Variants in GRID2 observed in about 807,000 individuals in gnomAD.
GRID2 encodes the protein glutamate receptor ionotropic, delta-2.
Under a neutral mutation model 114.8 loss-of-function variants are expected in GRID2, and 33 were observed. That is an observed-to-expected ratio of 0.29 (90% confidence interval 0.22 to 0.38). The LOEUF is 0.38. Ranked by LOEUF, GRID2 falls within the 10% of genes least tolerant of loss-of-function variation. GRID2 has a pLI of 1.00. For synonymous variants in GRID2, 505 were observed against 449.9 expected, an observed-to-expected ratio of 1.12 and a Z score of -1.55; for missense variants, 1,184 against 1,257.7, an observed-to-expected ratio of 0.94 and a Z score of 0.89.
chr4:93,191,546 A>C (rs1242271341), intron 4 of GRID2, among the ~76,000 whole-genome samples: 1 of 152,136 alleles, frequency 6.6e-6, no homozygotes, highest in Non-Finnish European at 1.5e-5. Context: ...ATTTTATACA[A>C]ATTATAAATT....
intron 2 of GRID2, among the ~76,000 whole-genome samples, chr4:92,806,002 T>A (rs1740392200): frequency 6.6e-6 from 1 of 151,930 alleles, no homozygotes. Flanking sequence ...TTTTCTCTCA[T>A]CATTATGTTC....
intron 8 of GRID2, chr4:93,319,461 C>T (rs1478857166): frequency 6.6e-6 from 1 of 151,972 alleles, no homozygotes; most frequent in Non-Finnish European, 1.5e-5. Context: ...TCTAAGATGA[C>T]CTCCATGACA....
intron 1 of GRID2, among the ~76,000 whole-genome samples, chr4:92,441,454 A>C (rs62312201): frequency 0.32 from 48,403 of 150,798 alleles, 8,010 homozygotes; most frequent in African/African-American, 0.4. Flanking sequence ...TGTTTGAGAT[A>C]TAGAACAGAA....
Position 93,316,343 on chromosome 4 carries a change from G to GAAAGAAAGAAAGAAA in GRID2, c.1245+77853_1245+77854insAAAGAAAGAAAGAAA, listed in dbSNP as rs1560491069. 2.9e-3 allele frequency among the ~76,000 whole-genome samples: 158 copies of GAAAGAAAGAAAGAAA among 55,080 alleles called. 1 individual carries two copies. The highest frequency in any genetic ancestry group is 4.2e-3 in the Non-Finnish European group (102 of 24,222). 36.1% of individuals were successfully genotyped at this position (55,080 alleles called of 152,430 possible). A position where few individuals can be genotyped will look rare whatever the true frequency, so the allele number is the denominator to read the frequency against. ...AAGAAAGAAAGAAAGAAAGAAAGAA[G>GAAAGAAAGAAAGAAA]GAAGGAAGGAAGGAAGGAAAAGAAA... On this transcript the variant is annotated intron_variant, in intron 8 of 15. Coordinates refer to ENST00000282020, the MANE Select transcript of GRID2 (RefSeq NM_001510.4).
chr4:93,682,963 C>T (rs113418665), intron 14 of GRID2, among the ~76,000 whole-genome samples: 10,208 of 150,364 alleles, frequency 0.068, 403 homozygotes, highest in South Asian at 0.11. Flanking sequence ...AAAAGAAAAA[C>T]ACCCGTATCT....
At chr4:92,681,956 T>A (rs894434476) in intron 2 of GRID2, among the ~76,000 whole-genome samples, 1 of 152,046 alleles carries the variant, frequency 6.6e-6, no homozygotes, top group Non-Finnish European at 1.5e-5. Flanking sequence ...AGAAAGGTTA[T>A]TTAAAGAGAG....
intron 14 of GRID2, among the ~76,000 whole-genome samples, chr4:93,694,010 G>C (rs1726796498): frequency 1.3e-5 from 2 of 152,260 alleles, no homozygotes; most frequent in African/African-American, 4.8e-5. Context: ...CCCTAAGAGA[G>C]ACACATGAAG....
At chr4:93,757,982 A>G (rs2110301327) in intron 14 of GRID2, among the ~76,000 whole-genome samples, 1 of 152,300 alleles carries the variant, frequency 6.6e-6, no homozygotes, top group Middle Eastern at 3.4e-3. Flanking sequence ...AAAGAAAAAG[A>G]AAAAGGAACC....
At chr4:92,861,550 T>C (rs1453739861) in intron 2 of GRID2, among the ~76,000 whole-genome samples, 1 of 152,106 alleles carries the variant, frequency 6.6e-6, no homozygotes, top group African/African-American at 2.4e-5. Flanking sequence ...ATCTTGATCT[T>C]AATAATCACC....
At chr4:92,837,470 T>G (rs1487687587) in intron 2 of GRID2, among the ~76,000 whole-genome samples, 2 of 149,870 alleles carry the variant, frequency 1.3e-5, no homozygotes, top group Admixed American at 6.7e-5. Flanking sequence ...ATTTGTACCC[T>G]TCAGGTTAAA....
chr4:92,756,137 T>A (rs1737710864), intron 2 of GRID2, among the ~76,000 whole-genome samples: 1 of 152,138 alleles, frequency 6.6e-6, no homozygotes, highest in South Asian at 2.1e-4. Context: ...ATTATTCTCC[T>A]CTCTACCTCC....
At chr4:92,326,189 C>A (rs1726589407) in intron 1 of GRID2, among the ~76,000 whole-genome samples, 1 of 151,780 alleles carries the variant, frequency 6.6e-6, no homozygotes, top group Non-Finnish European at 1.5e-5. Flanking sequence ...CAATTTTAAT[C>A]AACAAAACTA....
At chr4:93,307,221 A>T (rs541508037) in intron 8 of GRID2, among the ~76,000 whole-genome samples, 6 of 152,024 alleles carry the variant, frequency 3.9e-5, no homozygotes, top group Non-Finnish European at 8.8e-5. Context: ...AAAATAAAAA[A>T]AAAAAAAATA....
intron 8 of GRID2, among the ~76,000 whole-genome samples, chr4:93,308,988 TC>T (rs1166076442): frequency 6.6e-6 from 1 of 152,198 alleles, no homozygotes; most frequent in East Asian, 1.9e-4. Context: ...TCTAAAATGT[TC>T]AACTCTCCTC....
intron 4 of GRID2, among the ~76,000 whole-genome samples, chr4:93,115,315 G>A (rs1293154463): frequency 6.6e-6 from 1 of 151,072 alleles, no homozygotes; most frequent in African/African-American, 2.4e-5. Context: ...GTTCAACAAG[G>A]TAATATCCTG....
intron 3 of GRID2, among the ~76,000 whole-genome samples, chr4:93,110,082 T>G (rs1479250770): frequency 6.6e-6 from 1 of 152,188 alleles, no homozygotes; most frequent in Admixed American, 6.6e-5. Context: ...GAAATATGTT[T>G]TGAAAAAATA....
At chr4:93,649,901 C>A (rs1454894651) in intron 14 of GRID2, among the ~76,000 whole-genome samples, 1 of 152,158 alleles carries the variant, frequency 6.6e-6, no homozygotes, top group Non-Finnish European at 1.5e-5. Context: ...GGTTTTGAAT[C>A]AGGCACTATG....
chr4:92,541,762 G>T (rs1725974814), intron 1 of GRID2, among the ~76,000 whole-genome samples: 1 of 151,858 alleles, frequency 6.6e-6, no homozygotes, highest in Non-Finnish European at 1.5e-5. Context: ...GTGAGAGTGG[G>T]CAATGATCCA....
intron 1 of GRID2, among the ~76,000 whole-genome samples, chr4:92,413,108 A>G (rs1443326048): frequency 2.0e-5 from 3 of 152,192 alleles, no homozygotes; most frequent in Non-Finnish European, 4.4e-5. Flanking sequence ...GATATATTGC[A>G]TAGTAGTGAA....
Sources: allele counts gnomAD v4.1 joint callset (sites outside exome capture counted in the v4.1 genomes callset), GRCh38; gene constraint gnomAD v4.1.1; transcripts MANE v1.5; gene names NCBI Gene and HGNC (gene_info 2026-07-23, HGNC 2026-07-21).